Variants in ALAS1 observed in about 807,000 individuals in gnomAD.
ALAS1 encodes the protein 5-aminolevulinate synthase, non-specific, mitochondrial.
A neutral mutation model predicts 59.6 loss-of-function variants in ALAS1; 29 were observed. The ratio of observed to expected loss-of-function variants is 0.49; its 90% CI spans 0.36 to 0.66. ALAS1 has a LOEUF of 0.66. ALAS1 is among the 30% of genes least tolerant of loss of function. The probability of loss-of-function intolerance (pLI) is 0.00; values close to 1 mark genes in which losing one functional copy is unlikely to be tolerated. For synonymous variants in ALAS1, 299 were observed against 296.6 expected, an observed-to-expected ratio of 1.01 and a Z score of -0.08; for missense variants, 690 against 807.5, an observed-to-expected ratio of 0.85 and a Z score of 1.76.
chr3:52,209,924 C>A (rs1430465402), intron 9 of ALAS1, among the ~76,000 whole-genome samples: 17 of 152,134 alleles, frequency 1.1e-4, no homozygotes, highest in Non-Finnish European at 4.4e-5. Flanking sequence ...AAGTGATTTG[C>A]CCCCCTCGGC....
rs370365062 is a variant in ALAS1 at position 52,211,335 on chromosome 3, T to A, written c.1383T>A (p.Ile461=). The A allele has an allele frequency of 6.2e-7, 1 of 1,614,206 alleles. No homozygotes were observed. The highest frequency in any genetic ancestry group is 8.5e-7 in the Non-Finnish European group (1 of 1,180,046). The part of the protein sequence containing the change: ...GGYIASTSSL[I]DTVRSYAAGF... ...ACATCGCCAGCACGAGTTCTCTGAT[T>A]GACACCGTACGGTCCTATGCTGCTG... Residue 461 remains isoleucine (I), a synonymous_variant, in exon 10 of 12, where the codon ATT becomes ATA. Transcript: ENST00000484952.
At chr3:52,199,626 C>A (rs1157949515) in intron 3 of ALAS1, among the ~76,000 whole-genome samples, 186 bp downstream of exon 3, 1 of 152,144 alleles carries the variant, frequency 6.6e-6, no homozygotes, top group Non-Finnish European at 1.5e-5. Context: ...TTAGCTTTTC[C>A]ATCTTTAAAG....
intron 2 of ALAS1, 118 bp downstream of exon 2, chr3:52,198,966 C>CTTA: frequency 1.3e-6 from 1 of 767,564 alleles, no homozygotes; most frequent in Non-Finnish European, 1.9e-6. Context: ...TGTCAGTATT[C>CTTA]ATTTGGTGAA....
At chr3:52,211,686 C>T (rs986010207) in intron 10 of ALAS1, 135 bp downstream of exon 10, 3 of 1,288,280 alleles carry the variant, frequency 2.3e-6, no homozygotes, top group Non-Finnish European at 3.2e-6. Flanking sequence ...GCCAGCCACC[C>T]TCTGTCATGT....
At position 52,206,092 on chromosome 3, in the gene ALAS1, C is replaced by A. The variant is rs1699286687; in HGVS notation, c.985+69C>A. The A allele has an allele frequency of 7.2e-6, 10 of 1,379,640 alleles. No individual in the cohort carries two copies. The Admixed American group carries it at 2.3e-4, about 31-fold the overall frequency. The allele number at this position is 1,379,640 out of a possible 1,614,324, so 85.5% of individuals were successfully genotyped here. ...TTAGTAATAACAAGAATATTGGCAA[C>A]AAAGAAGCCTTACCAGAACCTCTCA... On this transcript the variant is annotated intron_variant, in intron 7 of 11. Transcript: ENST00000484952.
chr3:52,205,744 G>A, intron 6 of ALAS1, 95 bp from the exon 7 acceptor site: 2 of 1,221,748 alleles, frequency 1.6e-6, no homozygotes, highest in South Asian at 1.6e-5. Context: ...ACATCAACAT[G>A]TTTCAGTCTC....
chr3:52,209,349 A>T (rs1331211590), intron 9 of ALAS1, among the ~76,000 whole-genome samples: 2 of 152,192 alleles, frequency 1.3e-5, no homozygotes, highest in Non-Finnish European at 2.9e-5. Flanking sequence ...CTGGGACTAC[A>T]GGCACCCGCC....
rs1699331471 is a variant in ALAS1 at position 52,208,115 on chromosome 3, G to A, written c.1198G>A (p.Val400Met). 6.2e-7 allele frequency: 1 copy of A among 1,604,048 alleles called. No homozygotes were observed. The highest frequency in any genetic ancestry group is 2.2e-5 in the East Asian group (1 of 44,686). ...GTGCCCACTGGAAGAGCTGTGTGAT[G>A]TGGCCCATGAGTTTGGAGCAATCAC... ...AVCPLEELCD[V>M]AHEFGAITFV... Residue 400 changes from valine (V) to methionine (M), a missense_variant, in exon 9 of 12, where the codon GTG (valine) becomes ATG (methionine). Val to Met is a conservative substitution (Grantham distance 21). Coordinates refer to ENST00000484952, the MANE Select transcript of ALAS1 (RefSeq NM_000688.6).
chr3:52,205,338 G>T (rs189664844), intron 6 of ALAS1, among the ~76,000 whole-genome samples: 1 of 152,272 alleles, frequency 6.6e-6, no homozygotes, highest in Admixed American at 6.5e-5. Flanking sequence ...CCTTCAGGAG[G>T]CTCACCATCC....
intron 3 of ALAS1, among the ~76,000 whole-genome samples, chr3:52,201,562 G>A (rs1196632673): frequency 6.6e-6 from 1 of 151,820 alleles, no homozygotes; most frequent in Admixed American, 6.6e-5. Context: ...TAGAAGCTAG[G>A]GCCACATAAC....
intron 5 of ALAS1, 24 bp downstream of exon 5, chr3:52,204,036 G>A: frequency 6.3e-7 from 1 of 1,581,804 alleles, no homozygotes; most frequent in Non-Finnish European, 8.6e-7. Context: ...TTATTTGCCT[G>A]ATGTAGAAAA....
At position 52,202,740 on chromosome 3, in the gene ALAS1, A is replaced by G; in HGVS notation, c.427+6A>G. Reference sequence around the variant, plus strand: ...AATGAATGCCGTGAGGAAAGGTAAGAGATGAGTTGTGAACCATTAGTGGTA... The same window carrying G: ...AATGAATGCCGTGAGGAAAGGTAAGGGATGAGTTGTGAACCATTAGTGGTA... On this transcript the variant is annotated splice_donor_region_variant and intron_variant, in intron 4 of 11. Transcript: ENST00000484952. The G allele has an allele frequency of 6.2e-7, 1 of 1,613,074 alleles. No individual in the cohort carries two copies. The highest frequency in any genetic ancestry group is 1.1e-5 in the South Asian group (1 of 90,964).
At chr3:52,199,125 T>G in intron 2 of ALAS1, 85 bp from the exon 3 acceptor site, 2 of 1,355,684 alleles carry the variant, frequency 1.5e-6, no homozygotes, top group Non-Finnish European at 1.0e-6. Flanking sequence ...ACCCTTTATA[T>G]AAACTGCGGT....
At chr3:52,209,925 C>T (rs1699371122) in intron 9 of ALAS1, among the ~76,000 whole-genome samples, 1 of 152,258 alleles carries the variant, frequency 6.6e-6, no homozygotes, top group South Asian at 2.1e-4. Flanking sequence ...AGTGATTTGC[C>T]CCCCTCGGCC....
Position 52,208,164 on chromosome 3 carries a change from TG to T in ALAS1, c.1251del (p.Leu418PhefsTer43). The T allele has an allele frequency of 6.2e-7, 1 of 1,613,520 alleles. No homozygotes were observed. The highest frequency in any genetic ancestry group is 1.1e-5 in the South Asian group (1 of 91,002). ...ACCTTCGTGGATGAGGTCCACGCAGTGGGGCTTTATGGGGCTCGAGGCGGAG... is the reference window on the plus strand; with the variant it reads ...ACCTTCGTGGATGAGGTCCACGCAGTGGGCTTTATGGGGCTCGAGGCGGAG... ...AITFVDEVHAVGLYGARGGGI... is the reference protein window; with the variant it reads ...AITFVDEVHAXGLYGARGGGI... On this transcript the variant is annotated frameshift_variant, in exon 9 of 12. Coordinates refer to ENST00000484952, the MANE Select transcript of ALAS1 (RefSeq NM_000688.6). LOFTEE classifies it high-confidence loss of function.
intron 3 of ALAS1, among the ~76,000 whole-genome samples, chr3:52,201,588 C>CA (rs1482534809): frequency 6.6e-6 from 1 of 151,866 alleles, no homozygotes; most frequent in African/African-American, 2.4e-5. Context: ...TCCGTCTCTA[C>CA]AAAAAATAAA....
chr3:52,199,378 G>A lies in ALAS1; in HGVS notation c.137G>A (p.Arg46Gln), dbSNP rs761715965. ...MMEVGAKPAPRALSTAAVHYQ... is the reference protein window; with the variant it reads ...MMEVGAKPAPQALSTAAVHYQ... ...GAAGTTGGGGCCAAGCCAGCCCCTC[G>A]GGCATTGTCCACTGCAGCAGTACAC... Residue 46 changes from arginine to glutamine, a missense_variant, in exon 3 of 12, where the codon CGG becomes CAG. Transcript: ENST00000484952. 9 of 1,614,030 alleles carry A rather than the reference G, an allele frequency of 5.6e-6. No homozygotes were observed. In the Admixed American group the frequency reaches 6.7e-5, roughly 12 times the overall value.
chr3:52,204,368 CAGAG>C (rs1473886738), intron 5 of ALAS1, among the ~76,000 whole-genome samples: 15 of 152,184 alleles, frequency 9.9e-5, no homozygotes, highest in South Asian at 8.3e-4. Context: ...GAATGACAGA[CAGAG>C]ACTCAGTTTC....
At chr3:52,200,190 A>G (rs1025404947) in intron 3 of ALAS1, among the ~76,000 whole-genome samples, 1 of 152,102 alleles carries the variant, frequency 6.6e-6, no homozygotes, top group African/African-American at 2.4e-5. Context: ...GCCCAAGAAA[A>G]ATTACCATTT....
Sources: allele counts gnomAD v4.1 joint callset (sites outside exome capture counted in the v4.1 genomes callset), GRCh38; gene constraint gnomAD v4.1.1; transcripts MANE v1.5; gene names NCBI Gene and HGNC (gene_info 2026-07-23, HGNC 2026-07-21).